PIEZO2: variants seen among roughly 807,000 people sequenced by gnomAD.
The protein encoded by PIEZO2 is piezo-type mechanosensitive ion channel component 2.
In PIEZO2, 172 loss-of-function variants were observed where a neutral mutation model predicts 337.3. That is an observed-to-expected ratio of 0.51 (90% CI 0.45 to 0.58). PIEZO2 has a LOEUF of 0.58. Ranked by LOEUF, PIEZO2 falls within the 20% of genes least tolerant of loss-of-function variation. PIEZO2 has a pLI of 0.00. For missense variants in PIEZO2, 3,028 were observed against 3,391.3 expected, an observed-to-expected ratio of 0.89 and a Z score of 2.66; for synonymous variants, 1,251 against 1,228.5, an observed-to-expected ratio of 1.02 and a Z score of -0.38.
intron 39 of PIEZO2, among the ~76,000 whole-genome samples, chr18:10,712,829 T>C (rs2035872141): frequency 6.6e-6 from 1 of 152,238 alleles, no homozygotes; most frequent in African/African-American, 2.4e-5. Flanking sequence ...ATTAAAACTT[T>C]AAACCAAATC....
intron 1 of PIEZO2, among the ~76,000 whole-genome samples, chr18:11,130,058 C>G (rs2040297828): frequency 6.6e-6 from 1 of 152,304 alleles, no homozygotes; most frequent in South Asian, 2.1e-4. Context: ...ACAGCTGCCA[C>G]TACCTAGAAA....
intron 7 of PIEZO2, among the ~76,000 whole-genome samples, chr18:10,808,757 GT>G (rs1568083481): frequency 6.6e-6 from 1 of 152,148 alleles, no homozygotes; most frequent in Non-Finnish European, 1.5e-5. Context: ...TTCTGAAAAT[GT>G]TTTTGCAGCC....
In PIEZO2 at chr18:11,028,233, C is replaced by A. The variant is rs1447913860; in HGVS notation, c.160+37894G>T. Among the ~76,000 whole-genome samples, 1 of 151,916 alleles carries A rather than the reference C, an allele frequency of 6.6e-6. No homozygotes were observed. ...TACATCGCCTTCTTTCTTTTCTTTT[C>A]TTTTCTTCTTCTTCTTCTTTATTTT... On this transcript the variant is annotated intron_variant, in intron 2 of 55. Coordinates refer to ENST00000674853, the MANE Select transcript of PIEZO2 (RefSeq NM_001378183.1). This position sits in a 1 kb window ranked among gnomAD's most constrained non-coding sequence, Gnocchi z 4.8.
Position 10,945,741 on chromosome 18 carries a change from A to C in PIEZO2, c.286+33794T>G, listed in dbSNP as rs894081471. On this transcript the variant is annotated intron_variant, in intron 3 of 55. Coordinates refer to ENST00000674853, the MANE Select transcript of PIEZO2 (RefSeq NM_001378183.1). The surrounding 1 kb of genome is among the most constrained non-coding windows in gnomAD (Gnocchi z 4.0). ...TTCCCAGAACTGCCAAAGGTGTTCAAATTGGAAGGCAAGAAAATAAAAAGT... is the reference window on the plus strand; with the variant it reads ...TTCCCAGAACTGCCAAAGGTGTTCACATTGGAAGGCAAGAAAATAAAAAGT... 6.6e-6 allele frequency among the ~76,000 whole-genome samples: 1 copy of C among 152,232 alleles called. No individual in the cohort carries two copies. Among genetic ancestry groups the C allele is most frequent in the Non-Finnish European group, 1.5e-5 (1 of 68,042 alleles).
chr18:10,845,850 A>G (rs1292666689), intron 7 of PIEZO2, among the ~76,000 whole-genome samples: 1 of 152,230 alleles, frequency 6.6e-6, no homozygotes, highest in Admixed American at 6.5e-5. Context: ...TTCTCAAATA[A>G]ATACATTTAA....
intron 7 of PIEZO2, among the ~76,000 whole-genome samples, chr18:10,842,029 G>A (rs11877515): frequency 0.058 from 8,855 of 151,862 alleles, 362 homozygotes; most frequent in Non-Finnish European, 0.084. Flanking sequence ...GGCGGTGTGC[G>A]CCTGTAGTCC....
At chr18:10,763,120 TG>T in intron 21 of PIEZO2, 22 bp from the exon 22 acceptor site, 1 of 1,533,340 alleles carries the variant, frequency 6.5e-7, no homozygotes, top group Non-Finnish European at 8.7e-7. Flanking sequence ...AAACCAGAAA[TG>T]GGGACAAAAA....
chr18:11,121,206 C>A (rs549510084), intron 1 of PIEZO2, among the ~76,000 whole-genome samples: 3 of 151,750 alleles, frequency 2.0e-5, no homozygotes, highest in Non-Finnish European at 4.4e-5. Context: ...GAGCCAAGAT[C>A]GGGCCACTGC....
chr18:11,122,708 A>C (rs1255803395), intron 1 of PIEZO2, among the ~76,000 whole-genome samples: 2 of 152,188 alleles, frequency 1.3e-5, no homozygotes, highest in Non-Finnish European at 2.9e-5. Flanking sequence ...TAGTCCTTGA[A>C]TATGGGAAGA....
chr18:10,985,496 C>T (rs1004675826), intron 2 of PIEZO2, among the ~76,000 whole-genome samples: 1 of 151,994 alleles, frequency 6.6e-6, no homozygotes, highest in African/African-American at 2.4e-5. Flanking sequence ...GCTGACCATA[C>T]ATGTATGGGT....
At chr18:10,741,956 A>T (rs938161942) in intron 32 of PIEZO2, among the ~76,000 whole-genome samples, 13 of 152,156 alleles carry the variant, frequency 8.5e-5, no homozygotes, top group Non-Finnish European at 1.8e-4. Flanking sequence ...GATCGAGACC[A>T]TCCGTGCTAA....
intron 4 of PIEZO2, among the ~76,000 whole-genome samples, chr18:10,884,625 A>G (rs1439768652): frequency 6.6e-6 from 1 of 152,226 alleles, no homozygotes; most frequent in Non-Finnish European, 1.5e-5. Flanking sequence ...TAAGGACACC[A>G]TTAACGACTA....
chr18:10,776,728 G>A (rs1189321256), intron 18 of PIEZO2, among the ~76,000 whole-genome samples: 2 of 152,186 alleles, frequency 1.3e-5, no homozygotes, highest in Admixed American at 6.5e-5. Context: ...GCAAGCTTTC[G>A]AGGCAGACCC....
rs537411202 is a variant in PIEZO2, at chr18:10,684,322, T to C, written c.7498-2030A>G. ...CTGGGACTACAGGTGCCCGCCACCA[T>C]GCCTGGCTAATTTTTTGTATTTTTA... On this transcript the variant is annotated intron_variant, in intron 49 of 55. Coordinates refer to ENST00000674853, the MANE Select transcript of PIEZO2 (RefSeq NM_001378183.1). Among the ~76,000 whole-genome samples the C allele has an allele frequency of 5.9e-3, 253 of 43,016 alleles. 4 individuals are homozygous for C. In the South Asian group the frequency reaches 0.13, roughly 21 times the overall value. 28.2% of individuals were successfully genotyped at this position (43,016 alleles called of 152,430 possible).
intron 7 of PIEZO2, among the ~76,000 whole-genome samples, chr18:10,812,193 T>C (rs1568087797): frequency 6.6e-6 from 1 of 152,198 alleles, no homozygotes; most frequent in Non-Finnish European, 1.5e-5. Context: ...GAGACTCAAA[T>C]ATCCAATGGT....
chr18:11,072,194 C>T (rs924255005), intron 1 of PIEZO2, among the ~76,000 whole-genome samples: 2 of 152,146 alleles, frequency 1.3e-5, no homozygotes, highest in Non-Finnish European at 2.9e-5. Flanking sequence ...TCTCTGTCAT[C>T]TCCATACCCA....
intron 7 of PIEZO2, among the ~76,000 whole-genome samples, chr18:10,832,506 A>C (rs1025990766): frequency 2.0e-5 from 3 of 152,228 alleles, no homozygotes; most frequent in Admixed American, 1.3e-4. Flanking sequence ...AATTTACCCA[A>C]TGCCTACAGC....
chr18:10,689,709 C>T lies in PIEZO2; in HGVS notation c.7443G>A (p.Val2481=), dbSNP rs1408189072. 2.5e-6 allele frequency: 4 copies of T among 1,614,124 alleles called. No homozygotes were observed. The East Asian group carries it at 8.9e-5, about 36-fold the overall frequency. ...TTLSLSSWIC[V]EDIYAHIFIL... ...TGAATATGTGAGCATAGATGTCCTCCACACAGATCCAGCTGGACAGGCTCA... is the reference window on the plus strand; with the variant it reads ...TGAATATGTGAGCATAGATGTCCTCTACACAGATCCAGCTGGACAGGCTCA... Residue 2481 remains valine, a synonymous_variant, in exon 49 of 56, where the codon GTG becomes GTA. Transcript: ENST00000674853.
Position 10,718,271 on chromosome 18 carries a change from G to A in PIEZO2, c.5030-12C>T, listed in dbSNP as rs1016604838. On this transcript the variant is annotated splice_polypyrimidine_tract_variant and intron_variant, in intron 36 of 55. Coordinates refer to ENST00000674853, the MANE Select transcript of PIEZO2 (RefSeq NM_001378183.1). The stretch of plus-strand genomic sequence containing the variant: ...CCATTCCACAGGACCTGCCAAGTGT[G>A]TTCAATAAAGATGAGTTAAATTCCA... 2.0e-6 allele frequency: 3 copies of A among 1,533,832 alleles called. No individual in the cohort carries two copies. Among genetic ancestry groups the A allele is most frequent in the South Asian group, 2.4e-5 (2 of 83,972 alleles).
Sources: gnomAD v4.1 joint callset for allele counts (sites outside exome capture counted in the v4.1 genomes callset) on GRCh38, gnomAD v4.1.1 for gene constraint, Gnocchi (gnomAD v3.1) non-coding constraint, MANE v1.5 for transcripts, NCBI Gene and HGNC (gene_info 2026-07-23, HGNC 2026-07-21) for gene names.